NR3C2: variants seen among roughly 807,000 people sequenced by gnomAD.
The protein encoded by NR3C2 is nuclear receptor subfamily 3 group C member 2.
In NR3C2, 15 loss-of-function variants were observed where a neutral mutation model predicts 86.4. The observed-to-expected ratio is 0.17, with a 90% CI of 0.12 to 0.27. NR3C2 has a LOEUF of 0.27. Ranked by LOEUF, NR3C2 falls within the 10% of genes least tolerant of loss-of-function variation. The pLI, the probability that NR3C2 is intolerant of heterozygous loss-of-function variation, is 1.00. For missense variants in NR3C2, 960 were observed against 1,195.6 expected (o/e 0.80, Z 2.91); for synonymous variants, 458 against 450.5 (o/e 1.02, Z -0.21).
intron 2 of NR3C2, among the ~76,000 whole-genome samples, chr4:148,423,465 G>A (rs1358293142): frequency 1.3e-5 from 2 of 151,986 alleles, no homozygotes; most frequent in African/African-American, 2.4e-5. Flanking sequence ...CTGTATGAAG[G>A]TCTCCTTGAC....
intron 3 of NR3C2, among the ~76,000 whole-genome samples, chr4:148,226,304 A>G (rs1738159054): frequency 6.6e-6 from 1 of 152,164 alleles, no homozygotes. Flanking sequence ...GGAAACTACT[A>G]TTCTAATTTC....
intron 2 of NR3C2, among the ~76,000 whole-genome samples, chr4:148,262,083 T>C (rs143247446): frequency 6.6e-6 from 1 of 152,360 alleles, no homozygotes; most frequent in East Asian, 1.9e-4. Context: ...CCAGTAAAAC[T>C]TAATCCATAC....
At chr4:148,271,169 C>T (rs760278485) in intron 2 of NR3C2, among the ~76,000 whole-genome samples, 26 of 152,274 alleles carry the variant, frequency 1.7e-4, no homozygotes, top group South Asian at 4.1e-4. Flanking sequence ...ACATTCTCCA[C>T]GAATTTGAGC....
rs1196633933 is a variant in NR3C2 at position 148,154,826 on chromosome 4, G to A, written c.2090C>T (p.Pro697Leu). The A allele has an allele frequency of 1.3e-6, 2 of 1,561,076 alleles. No individual in the cohort carries two copies. The highest frequency in any genetic ancestry group is 1.7e-6 in the Non-Finnish European group (2 of 1,150,474). ...EQPQQQQPPP[P>L]PPPPQSPEEG... is the part of the protein sequence containing the mutation. ...CTCTGGGCTTTGCGGGGGTGGGGGT[G>A]GGGGTGGGGGCTGCTGCTGCTGTGG... Residue 697 changes from proline (P) to leucine (L), a missense_variant, in exon 5 of 9, where the codon CCA becomes CTA. By Grantham distance (98) the Pro-to-Leu change is moderately conservative. Coordinates refer to ENST00000358102, the MANE Select transcript of NR3C2 (RefSeq NM_000901.5).
chr4:148,137,003 G>A lies in NR3C2; in HGVS notation c.2510+15466C>T, dbSNP rs761089642. Among the ~76,000 whole-genome samples, 37 of 152,296 alleles carry A rather than the reference G, an allele frequency of 2.4e-4. 1 individual carries two copies. Among genetic ancestry groups the A allele is most frequent in the Non-Finnish European group, 4.9e-4 (33 of 68,026 alleles). ...GTTTCAATATTTACTACTGACTGGC[G>A]AAAGGCTGGTCTTTTAGCTAAATAG... On this transcript the variant is annotated intron_variant, in intron 6 of 8. Transcript: ENST00000358102.
intron 2 of NR3C2, among the ~76,000 whole-genome samples, chr4:148,396,385 G>C (rs1455391544): frequency 1.3e-5 from 2 of 152,148 alleles, no homozygotes; most frequent in Admixed American, 6.5e-5. Flanking sequence ...GGCAATTTGA[G>C]AAAAATTTAT....
In NR3C2 at chr4:148,257,715, TACACATGGGATAAAAGAGTAAACTAACAA is replaced by T. The variant is rs1301797447; in HGVS notation, c.1897+2234_1897+2262del. ...TTTTTCACATATTTAATCTCTCTCA[TACACATGGGATAAAAGAGTAAACTAACAA>T]AAAATACAAAAACACAAAAACAAAT... On this transcript the variant is annotated intron_variant, in intron 3 of 8. Coordinates refer to ENST00000358102, the MANE Select transcript of NR3C2 (RefSeq NM_000901.5). Among the ~76,000 whole-genome samples, 3 of 152,080 alleles carry T rather than the reference TACACATGGGATAAAAGAGTAAACTAACAA, an allele frequency of 2.0e-5. No individual in the cohort carries two copies. In the East Asian group the frequency reaches 5.8e-4, roughly 29 times the overall value.
upstream of NR3C2, chr4:148,442,934 C>G: frequency 8.1e-6 from 8 of 985,274 alleles, no homozygotes; most frequent in Non-Finnish European, 9.6e-6. Context: ...AGTGTCGTCC[C>G]CTCACGCTCT....
At chr4:148,094,350 T>C (rs1386584333) in intron 8 of NR3C2, among the ~76,000 whole-genome samples, 3 of 152,218 alleles carry the variant, frequency 2.0e-5, no homozygotes, top group Admixed American at 6.5e-5. Context: ...AATTGCCATA[T>C]GACACACCAT....
chr4:148,227,131 T>A (rs1738215795), intron 3 of NR3C2, among the ~76,000 whole-genome samples: 1 of 152,174 alleles, frequency 6.6e-6, no homozygotes, highest in African/African-American at 2.4e-5. Flanking sequence ...TCCACCTATG[T>A]CCTTTTCGTG....
At chr4:148,192,735 G>A (rs528170928) in intron 4 of NR3C2, among the ~76,000 whole-genome samples, 5 of 152,120 alleles carry the variant, frequency 3.3e-5, no homozygotes, top group African/African-American at 1.2e-4. Context: ...CCTCTGCTGA[G>A]TCATGCAGGT....
intron 2 of NR3C2, among the ~76,000 whole-genome samples, chr4:148,398,966 G>A (rs911545674): frequency 3.9e-5 from 6 of 152,192 alleles, no homozygotes; most frequent in African/African-American, 9.7e-5. Context: ...TGAGGAAGAA[G>A]CAAAGCAGTC....
chr4:148,171,155 T>G (rs563911033), intron 4 of NR3C2, among the ~76,000 whole-genome samples: 1 of 152,380 alleles, frequency 6.6e-6, no homozygotes, highest in South Asian at 2.1e-4. Flanking sequence ...TTGCTGCTAC[T>G]GGTCCCCAAG....
chr4:148,384,807 C>T (rs1246334838), intron 2 of NR3C2, among the ~76,000 whole-genome samples: 1 of 152,150 alleles, frequency 6.6e-6, no homozygotes, highest in African/African-American at 2.4e-5. Context: ...CTATAAAAAA[C>T]ATCAGTAACT....
At chr4:148,095,773 C>G (rs555015125) in intron 8 of NR3C2, among the ~76,000 whole-genome samples, 2 of 152,168 alleles carry the variant, frequency 1.3e-5, no homozygotes, top group South Asian at 4.2e-4. Flanking sequence ...CAGTGCCTGC[C>G]CAGGAATGGG....
At chr4:148,089,129 CTGTT>C (rs544661816) in intron 8 of NR3C2, among the ~76,000 whole-genome samples, 22 of 152,296 alleles carry the variant, frequency 1.4e-4, no homozygotes, top group African/African-American at 5.3e-4. Context: ...TAGTAAATAA[CTGTT>C]TGGTAAAGGC....
chr4:148,401,479 T>TA (rs1748159269), intron 2 of NR3C2, among the ~76,000 whole-genome samples: 1 of 150,496 alleles, frequency 6.6e-6, no homozygotes, highest in South Asian at 2.1e-4. Flanking sequence ...TTTTTTTTTT[T>TA]TTGAGACAGA....
chr4:148,430,012 T>C (rs1749725875), intron 2 of NR3C2, among the ~76,000 whole-genome samples: 1 of 152,156 alleles, frequency 6.6e-6, no homozygotes, highest in Non-Finnish European at 1.5e-5. Context: ...AGAAGCAAAG[T>C]GTTGCTCCTA....
intron 2 of NR3C2, among the ~76,000 whole-genome samples, chr4:148,320,516 T>G (rs912896522): frequency 2.9e-5 from 4 of 139,436 alleles, no homozygotes; most frequent in African/African-American, 8.4e-5. Context: ...TGGACTCTTT[T>G]TGGTTGGTAA....
Sources: allele counts gnomAD v4.1 joint callset (sites outside exome capture counted in the v4.1 genomes callset), GRCh38; gene constraint gnomAD v4.1.1; transcripts MANE v1.5; gene names NCBI Gene and HGNC (gene_info 2026-07-23, HGNC 2026-07-21).